The following NPTN variants were observed in gnomAD, a reference collection of about 807,000 sequenced individuals.
NPTN encodes neuroplastin.
NPTN carries 5 observed loss-of-function variants against 42.7 expected under a neutral mutation model. That is an observed-to-expected ratio of 0.12 (90% CI 0.06 to 0.25). NPTN has a LOEUF of 0.25. NPTN is among the 10% of genes least tolerant of loss of function. The pLI is 1.00. For missense variants in NPTN, 307 were observed against 525.4 expected (o/e 0.58, Z 4.06); for synonymous variants, 180 against 201.9 (o/e 0.89, Z 0.92).
chr15:73,600,604 A>G (rs1408455699), intron 1 of NPTN, among the ~76,000 whole-genome samples: 2 of 152,322 alleles, frequency 1.3e-5, no homozygotes, highest in Non-Finnish European at 2.9e-5. Context: ...AACACTTACC[A>G]CAACTGTGGT....
chr15:73,598,364 A>G (rs1896924035), intron 1 of NPTN, among the ~76,000 whole-genome samples: 1 of 152,180 alleles, frequency 6.6e-6, no homozygotes, highest in South Asian at 2.1e-4. Flanking sequence ...GCCTCAACCA[A>G]CACTCTTAGG....
rs1595935439 is a variant in NPTN at position 73,597,371 on chromosome 15, T to A, written c.92-2A>T. On this transcript the variant is annotated splice_acceptor_variant, in intron 1 of 8. Coordinates refer to ENST00000345330, the MANE Select transcript of NPTN (RefSeq NM_012428.4). LOFTEE classifies it high-confidence loss of function. The surrounding 1 kb of genome is among the most constrained non-coding windows in gnomAD (Gnocchi z 6.3). ...ACATGGGCGACTTGACAAACCCAGC[T>A]AGAGGGAGGGGGAGCAGGAATGCAG... 1 of 1,596,072 alleles carries A rather than the reference T, an allele frequency of 6.3e-7. No individual in the cohort carries two copies. Among genetic ancestry groups the A allele is most frequent in the African/African-American group, 1.4e-5 (1 of 70,862 alleles).
At position 73,596,095 on chromosome 15, in the gene NPTN, G is replaced by A. The variant is rs373319758; in HGVS notation, c.439+927C>T. On this transcript the variant is annotated intron_variant, in intron 2 of 8. Transcript: ENST00000345330. ...ACTGTGCCAACAGCTACTCATCAGA[G>A]TCAAACCGTGAACAGGAATCAACTG... Among the ~76,000 whole-genome samples, 60 of 152,316 alleles carry A rather than the reference G, an allele frequency of 3.9e-4. 1 individual carries two copies. In the South Asian group the frequency reaches 0.012, roughly 30 times the overall value.
At position 73,591,740 on chromosome 15, in the gene NPTN, A is replaced by T. The variant is rs1051735307; in HGVS notation, c.611+226T>A. 8 of 386,256 alleles carry T rather than the reference A, an allele frequency of 2.1e-5. No homozygotes were observed. In the Admixed American group the frequency reaches 2.8e-4, roughly 14 times the overall value. The allele number at this position is 386,256 out of a possible 1,614,324, so 23.9% of individuals were successfully genotyped here. A position where few individuals can be genotyped will look rare whatever the true frequency, so the allele number is the denominator to read the frequency against. On this transcript the variant is annotated intron_variant, in intron 3 of 8. Transcript: ENST00000345330. ...TCACAGCCTCAGTTTCTCTATGATT[A>T]TAGTGAGGGGATCATCTATGATTCT...
rs1343944704 is a variant in NPTN at position 73,570,132 on chromosome 15, T to C, written c.1114+18A>G. On this transcript the variant is annotated intron_variant, in intron 6 of 8. Coordinates refer to ENST00000345330, the MANE Select transcript of NPTN (RefSeq NM_012428.4). This position sits in a 1 kb window ranked among gnomAD's most constrained non-coding sequence, Gnocchi z 4.0. The stretch of plus-strand genomic sequence containing the variant: ...AACCAACCCCAGCAGTACAGCTATT[T>C]TGTAGGGATGCTCTTACCGTCAGGA... The C allele has an allele frequency of 1.3e-6, 2 of 1,586,082 alleles. No homozygotes were observed. Among genetic ancestry groups the C allele is most frequent in the African/African-American group, 2.7e-5 (2 of 74,304 alleles).
At chr15:73,578,571 A>G (rs1895817964) in intron 4 of NPTN, among the ~76,000 whole-genome samples, 1 of 152,232 alleles carries the variant, frequency 6.6e-6, no homozygotes. Flanking sequence ...TTGCAAAAGA[A>G]TAAGAGTGTT....
chr15:73,587,545 T>G lies in NPTN; in HGVS notation c.685A>C (p.Asn229His), dbSNP rs757954298. The stretch of plus-strand genomic sequence containing the variant: ...GTACCTTTCACTTCAATGGTGGCGT[T>G]TGCTTTAGGAGCGCTGACAAAGTGA... The part of the protein sequence containing the change: ...VYHFVSAPKA[N>H]ATIEVKAAPD... Residue 229 changes from asparagine to histidine, a missense_variant, in exon 4 of 9, where the codon AAC (asparagine) becomes CAC (histidine). Coordinates refer to ENST00000345330, the MANE Select transcript of NPTN (RefSeq NM_012428.4). 1 of 1,613,992 alleles carries G rather than the reference T, an allele frequency of 6.2e-7. No homozygotes were observed. Among genetic ancestry groups the G allele is most frequent in the Non-Finnish European group, 8.5e-7 (1 of 1,179,892 alleles).
rs779090521 is a variant in NPTN at position 73,570,172 on chromosome 15, C to T, written c.1092G>A (p.Lys364=). The change falls in exon 6 of 9, where the codon AAG becomes AAA. Residue 364 remains lysine (K), a synonymous_variant. Transcript: ENST00000345330. The surrounding 1 kb of genome is among the most constrained non-coding windows in gnomAD (Gnocchi z 4.0). Reference sequence around the variant, plus strand: ...TACCGTCAGGAACCTCATCTGGCCTCTTCCTCTTCTCATACACAACAATGA... The same window carrying T: ...TACCGTCAGGAACCTCATCTGGCCTTTTCCTCTTCTCATACACAACAATGA... ...VVIIVVYEKR[K]RPDEVPDDDE... The T allele has an allele frequency of 6.2e-6, 10 of 1,611,770 alleles. No individual in the cohort carries two copies. Among genetic ancestry groups the T allele is most frequent in the Non-Finnish European group, 8.5e-6 (10 of 1,178,264 alleles).
chr15:73,590,653 T>C (rs923395118), intron 3 of NPTN, among the ~76,000 whole-genome samples: 5 of 151,148 alleles, frequency 3.3e-5, no homozygotes, highest in African/African-American at 1.2e-4. Context: ...TGTGCACCTG[T>C]GGTCCCAGCT....
intron 4 of NPTN, among the ~76,000 whole-genome samples, chr15:73,576,659 C>T (rs181784394): frequency 6.6e-6 from 1 of 152,050 alleles, no homozygotes; most frequent in Admixed American, 6.6e-5. Context: ...GGCCAGGAAC[C>T]CCAAGTTATC....
At chr15:73,567,151 G>A in intron 6 of NPTN, 1 of 984,264 alleles carries the variant, frequency 1.0e-6, no homozygotes, top group Non-Finnish European at 1.2e-6. Context: ...CTTTTGTATT[G>A]TTCACTTAGT....
At chr15:73,612,324 G>A (rs990985997) in intron 1 of NPTN, among the ~76,000 whole-genome samples, 3 of 151,904 alleles carry the variant, frequency 2.0e-5, no homozygotes, top group Non-Finnish European at 2.9e-5. Flanking sequence ...AGAGGCTAAG[G>A]TGGAGGAACA....
intron 4 of NPTN, among the ~76,000 whole-genome samples, chr15:73,577,003 T>C (rs981645242): frequency 4.6e-5 from 7 of 152,250 alleles, no homozygotes; most frequent in African/African-American, 1.4e-4. Context: ...GAGGTTTTTT[T>C]CTGCAGTTTA....
At chr15:73,596,674 T>C (rs1302233870) in intron 2 of NPTN, among the ~76,000 whole-genome samples, 1 of 151,906 alleles carries the variant, frequency 6.6e-6, no homozygotes, top group Non-Finnish European at 1.5e-5. Flanking sequence ...CTGCCTGGTT[T>C]TATGAGTTTT....
intron 1 of NPTN, among the ~76,000 whole-genome samples, chr15:73,612,686 C>T (rs781509454): frequency 2.6e-5 from 4 of 152,124 alleles, no homozygotes; most frequent in Non-Finnish European, 5.9e-5. Flanking sequence ...AGGACAATGG[C>T]GTGAACCCGG....
chr15:73,609,137 T>C (rs1237380952), intron 1 of NPTN, among the ~76,000 whole-genome samples: 1 of 152,202 alleles, frequency 6.6e-6, no homozygotes, highest in Non-Finnish European at 1.5e-5. Context: ...TAGGATAAAA[T>C]ACCCCAAGTT....
In NPTN at chr15:73,633,281, G is replaced by A; in HGVS notation, c.-66C>T. 1 of 961,128 alleles carries A rather than the reference G, an allele frequency of 1.0e-6. No homozygotes were observed. The highest frequency in any genetic ancestry group is 2.5e-4 in the Middle Eastern group (1 of 4,008). The allele number at this position is 961,128 out of a possible 1,614,324, so 59.5% of individuals were successfully genotyped here. ...AGAGCCGGGGCCGGGGAAGGGAGGG[G>A]AGGGAGGGAGGGGGCGGGCGAGTGC... On this transcript the variant is annotated 5_prime_UTR_variant, in exon 1 of 9. Transcript: ENST00000345330.
intron 1 of NPTN, 42 bp downstream of exon 1, chr15:73,633,083 C>T (rs1279585353): frequency 2.3e-6 from 3 of 1,332,766 alleles, no homozygotes; most frequent in African/African-American, 1.5e-5. Context: ...GGCCCCGGCG[C>T]CCCTCAACCC....
At chr15:73,593,227 C>T (rs1896679954) in intron 2 of NPTN, among the ~76,000 whole-genome samples, 1 of 152,142 alleles carries the variant, frequency 6.6e-6, no homozygotes, top group Non-Finnish European at 1.5e-5. Context: ...ATCTTTAAAG[C>T]ACTTTGAAAT....
Sources: gnomAD v4.1 joint callset for allele counts (sites outside exome capture counted in the v4.1 genomes callset) on GRCh38, gnomAD v4.1.1 for gene constraint, Gnocchi (gnomAD v3.1) non-coding constraint, MANE v1.5 for transcripts, NCBI Gene and HGNC (gene_info 2026-07-23, HGNC 2026-07-21) for gene names.